The following DNAH14 variants were observed in gnomAD, a reference collection of about 807,000 sequenced individuals.
DNAH14 encodes the protein dynein axonemal heavy chain 14.
DNAH14 carries 478 observed loss-of-function variants against 520.9 expected under a neutral mutation model. The ratio of observed to expected loss-of-function variants is 0.92; its 90% CI spans 0.85 to 0.99. DNAH14 has a LOEUF of 0.99. Among genes scored for constraint, DNAH14 ranks in the 50% least tolerant of loss-of-function variants. The pLI is 0.00. For missense variants in DNAH14, 4,831 were observed against 5,234.5 expected (o/e 0.92, Z 2.38); for synonymous variants, 1,581 against 1,757.2 (o/e 0.90, Z 2.51).
chr1:224,977,374 T>C, intron 8 of DNAH14, among the ~76,000 whole-genome samples: 1 of 150,868 alleles, frequency 6.6e-6, no homozygotes, highest in East Asian at 2.0e-4. Flanking sequence ...CTTTAGGAGA[T>C]ATACCTAATG....
chr1:225,302,816 T>A (rs1453168389), intron 56 of DNAH14, among the ~76,000 whole-genome samples: 1 of 152,158 alleles, frequency 6.6e-6, no homozygotes, highest in African/African-American at 2.4e-5. Context: ...TCACTTTGAG[T>A]TTCTGTGGGT....
chr1:225,398,974 A>T, intron 85 of DNAH14, 80 bp from the exon 86 acceptor site: 1 of 1,073,762 alleles, frequency 9.3e-7, no homozygotes, highest in Non-Finnish European at 1.3e-6. Flanking sequence ...AAATCCCTCA[A>T]GCCTAGCATA....
chr1:225,241,772 A>G (rs1307659982), intron 43 of DNAH14, among the ~76,000 whole-genome samples: 1 of 152,230 alleles, frequency 6.6e-6, no homozygotes, highest in Non-Finnish European at 1.5e-5. Context: ...AAAATATGGT[A>G]CACCTGAATA....
rs1558937203 is a variant in DNAH14, at chr1:225,094,678, ACAAC to A, written c.3574-2439_3574-2436del. Among the ~76,000 whole-genome samples the A allele has an allele frequency of 1.7e-3, 144 of 83,480 alleles. 3 individuals carry two copies. The highest frequency in any genetic ancestry group is 5.7e-3 in the Middle Eastern group (1 of 174). The allele number at this position is 83,480 out of a possible 152,430, so 54.8% of individuals were successfully genotyped here. A position where few individuals can be genotyped will look rare whatever the true frequency, so the allele number is the denominator to read the frequency against. On this transcript the variant is annotated intron_variant, in intron 21 of 85. Coordinates refer to ENST00000682510, the MANE Select transcript of DNAH14 (RefSeq NM_001367479.1). ...CAGCAAAAAAAAAAAAAAAAAAAAA[ACAAC>A]AAAACAAACAAACAAAAAAACGCTA...
chr1:225,267,059 A>G (rs2093141627), intron 49 of DNAH14, among the ~76,000 whole-genome samples: 1 of 152,152 alleles, frequency 6.6e-6, no homozygotes, highest in Admixed American at 6.6e-5. Flanking sequence ...TGTTAACTGC[A>G]TCAGTAGTTA....
At chr1:225,143,604 A>T (rs2079645172) in intron 28 of DNAH14, among the ~76,000 whole-genome samples, 1 of 152,196 alleles carries the variant, frequency 6.6e-6, no homozygotes, top group South Asian at 2.1e-4. Context: ...AAGAGCTTTG[A>T]TGACTAAATT....
chr1:224,990,025 T>A (rs2062927765), intron 8 of DNAH14, among the ~76,000 whole-genome samples: 1 of 151,748 alleles, frequency 6.6e-6, no homozygotes, highest in African/African-American at 2.4e-5. Flanking sequence ...GTTTTTTTTT[T>A]AACTTTGCCT....
Position 225,140,763 on chromosome 1 carries a change from T to C in DNAH14, c.4255-5T>C, listed in dbSNP as rs567241709. On this transcript the variant is annotated splice_region_variant and splice_polypyrimidine_tract_variant and intron_variant, in intron 27 of 85. Transcript: ENST00000682510. ...TATATATATAACATTATCTTACTTT[T>C]TCAGAGCCAGATCATGTTTTATAAT... 106 of 1,511,594 alleles carry C rather than the reference T, an allele frequency of 7.0e-5. 3 individuals are homozygous for C. The South Asian group carries it at 9.8e-4, about 14-fold the overall frequency. The allele number at this position is 1,511,594 out of a possible 1,614,324, so 93.6% of individuals were successfully genotyped here. A position where few individuals can be genotyped will look rare whatever the true frequency, so the allele number is the denominator to read the frequency against.
At chr1:225,290,561 T>C (rs943702239) in intron 55 of DNAH14, among the ~76,000 whole-genome samples, 1 of 149,634 alleles carries the variant, frequency 6.7e-6, no homozygotes, top group African/African-American at 2.4e-5. Context: ...TGCAGGACTT[T>C]CCTTACAGAA....
intron 27 of DNAH14, among the ~76,000 whole-genome samples, chr1:225,129,742 C>G (rs1434903155): frequency 6.6e-6 from 1 of 151,946 alleles, no homozygotes; most frequent in Non-Finnish European, 1.5e-5. Context: ...CATTACCATT[C>G]AGGACATAGG....
intron 4 of DNAH14, among the ~76,000 whole-genome samples, chr1:224,960,734 A>G (rs2060793881): frequency 6.6e-6 from 1 of 152,058 alleles, no homozygotes. Context: ...TCTATAACTG[A>G]AATTCTTCTT....
intron 21 of DNAH14, among the ~76,000 whole-genome samples, chr1:225,089,944 GGA>G (rs1470837209): frequency 6.6e-6 from 1 of 152,048 alleles, no homozygotes. Context: ...ACATTTTACT[GGA>G]GTTTCCAGCC....
At chr1:225,289,046 T>C (rs2093808458) in intron 54 of DNAH14, among the ~76,000 whole-genome samples, 1 of 152,098 alleles carries the variant, frequency 6.6e-6, no homozygotes, top group Admixed American at 6.6e-5. Context: ...AATCAAGAAG[T>C]AGAAACCATT....
chr1:224,973,402 TC>T (rs2061618485), intron 7 of DNAH14, among the ~76,000 whole-genome samples: 1 of 152,346 alleles, frequency 6.6e-6, no homozygotes, highest in Non-Finnish European at 1.5e-5. Flanking sequence ...GTGGTTGTTT[TC>T]CTCTAGATGC....
chr1:225,124,971 G>T (rs969511718), intron 27 of DNAH14, among the ~76,000 whole-genome samples: 1 of 152,128 alleles, frequency 6.6e-6, no homozygotes, highest in Non-Finnish European at 1.5e-5. Flanking sequence ...TAATCTCCTT[G>T]TACATCTCCA....
rs956116470 is a variant in DNAH14, at chr1:225,181,431, T to G, written c.5536-3860T>G. 2.0e-5 allele frequency among the ~76,000 whole-genome samples: 3 copies of G among 152,204 alleles called. 1 individual carries two copies. ...TGCTTTCCACAGTGACTGAACTAAT[T>G]TACATTCCCACCAACAGTGTATAAG... On this transcript the variant is annotated intron_variant, in intron 36 of 85. Coordinates refer to ENST00000682510, the MANE Select transcript of DNAH14 (RefSeq NM_001367479.1).
chr1:225,349,144 T>A (rs3913652), intron 71 of DNAH14, among the ~76,000 whole-genome samples: 1 of 151,970 alleles, frequency 6.6e-6, no homozygotes. Context: ...CTAATTTTTT[T>A]AAATTTTTGG....
intron 50 of DNAH14, among the ~76,000 whole-genome samples, chr1:225,271,509 G>A (rs76007569): frequency 0.054 from 8,208 of 151,906 alleles, 329 homozygotes; most frequent in Non-Finnish European, 0.08. Flanking sequence ...AGAATTTTTC[G>A]AAGAATGTAT....
intron 8 of DNAH14, among the ~76,000 whole-genome samples, chr1:225,000,135 G>A (rs139695131): frequency 2.7e-4 from 41 of 152,196 alleles, no homozygotes; most frequent in African/African-American, 9.6e-4. Context: ...GTCTTAGAAC[G>A]TCTTAATTTC....
Sources: gnomAD v4.1 joint callset for allele counts (sites outside exome capture counted in the v4.1 genomes callset) on GRCh38, gnomAD v4.1.1 for gene constraint, MANE v1.5 for transcripts, NCBI Gene and HGNC (gene_info 2026-07-23, HGNC 2026-07-21) for gene names.